The following GALNT18 variants were observed in gnomAD, a reference collection of about 807,000 sequenced individuals.
The protein encoded by GALNT18 is GalNAc-transferase 18.
GALNT18 carries 44 observed loss-of-function variants against 69.5 expected under a neutral mutation model. The observed-to-expected ratio is 0.63, with a 90% CI of 0.50 to 0.81. The LOEUF (loss-of-function observed/expected upper bound fraction) is 0.81. Among genes scored for constraint, GALNT18 ranks in the 40% least tolerant of loss-of-function variants. GALNT18 has a pLI of 0.00. For synonymous variants in GALNT18, 364 were observed against 318.2 expected, an observed-to-expected ratio of 1.14 and a Z score of -1.53; for missense variants, 715 against 810.0, an observed-to-expected ratio of 0.88 and a Z score of 1.42.
chr11:11,501,519 C>T (rs529792113), intron 1 of GALNT18, among the ~76,000 whole-genome samples: 1 of 152,290 alleles, frequency 6.6e-6, no homozygotes, highest in Admixed American at 6.5e-5. Flanking sequence ...CCTACTCTTT[C>T]GTGAGCAAAC....
At position 11,278,522 on chromosome 11, in the gene GALNT18, G is replaced by A. The variant is rs189313643; in HGVS notation, c.1678-7232C>T. Among the ~76,000 whole-genome samples, 365 of 152,042 alleles carry A rather than the reference G, an allele frequency of 2.4e-3. 3 individuals are homozygous for A. The highest frequency in any genetic ancestry group is 8.4e-3 in the African/African-American group (350 of 41,472). On this transcript the variant is annotated intron_variant, in intron 10 of 10. Transcript: ENST00000227756. ...AGAACTTATAGTATAAAAAAAAAAG[G>A]GAGATTGTTATTTGCAACAACATGG... is the stretch of plus-strand genomic sequence containing the variant.
intron 7 of GALNT18, among the ~76,000 whole-genome samples, chr11:11,333,782 C>T (rs1564898733): frequency 6.6e-6 from 1 of 152,020 alleles, no homozygotes; most frequent in Non-Finnish European, 1.5e-5. Context: ...CTAGAGAAGC[C>T]CCCTTCCTCA....
In GALNT18 at chr11:11,483,270, G is replaced by A. The variant is rs887026652; in HGVS notation, c.236-34334C>T. Among the ~76,000 whole-genome samples, 5 of 152,168 alleles carry A rather than the reference G, an allele frequency of 3.3e-5. No homozygotes were observed. In the South Asian group the frequency reaches 6.2e-4, roughly 19 times the overall value. ...AATTCAGCTCTAGGGCTCCCTTCTG[G>A]GCAGCTTCCCCTGATTCCCCCGGCT... On this transcript the variant is annotated intron_variant, in intron 1 of 10. Coordinates refer to ENST00000227756, the MANE Select transcript of GALNT18 (RefSeq NM_198516.3).
chr11:11,340,874 A>G lies in GALNT18; in HGVS notation c.1223T>C (p.Val408Ala). ...VRRNALRVAE[V>A]WMDEFKSHVY... The stretch of plus-strand genomic sequence containing the variant: ...GTGGCTTTTAAATTCATCCATCCAG[A>G]CTTCAGCCACCCTGAGAGCGTTCCT... The change falls in exon 7 of 11, where the codon GTC becomes GCC. Residue 408 changes from valine (V) to alanine (A), a missense_variant. Coordinates refer to ENST00000227756, the MANE Select transcript of GALNT18 (RefSeq NM_198516.3). This position sits in a 1 kb window ranked among gnomAD's most constrained non-coding sequence, Gnocchi z 4.2. 1 of 1,613,812 alleles carries G rather than the reference A, an allele frequency of 6.2e-7. No homozygotes were observed. The highest frequency in any genetic ancestry group is 8.5e-7 in the Non-Finnish European group (1 of 1,179,914).
Position 11,496,316 on chromosome 11 carries a change from A to G in GALNT18, c.236-47380T>C, listed in dbSNP as rs1210774544. On this transcript the variant is annotated intron_variant, in intron 1 of 10. Transcript: ENST00000227756. The surrounding 1 kb of genome is among the most constrained non-coding windows in gnomAD (Gnocchi z 4.0). ...TGGTTCACCTATCACCAAAAACCCT[A>G]GCATCAGCAACACTCCACATGCTGC... Among the ~76,000 whole-genome samples the G allele has an allele frequency of 2.6e-5, 4 of 152,158 alleles. No individual in the cohort carries two copies. Among genetic ancestry groups the G allele is most frequent in the Non-Finnish European group, 4.4e-5 (3 of 68,010 alleles).
intron 10 of GALNT18, among the ~76,000 whole-genome samples, chr11:11,287,579 A>AT (rs1451872033): frequency 6.6e-6 from 1 of 152,182 alleles, no homozygotes; most frequent in Admixed American, 6.5e-5. Context: ...GAATCCCAGA[A>AT]TCCCCCAAAT....
intron 1 of GALNT18, among the ~76,000 whole-genome samples, chr11:11,481,421 G>A (rs1856527656): frequency 6.6e-6 from 1 of 152,216 alleles, no homozygotes; most frequent in Admixed American, 6.5e-5. Context: ...GACAAGAAGG[G>A]AAGGCAGCGA....
Position 11,375,324 on chromosome 11 carries a change from G to A in GALNT18, c.977+1858C>T, listed in dbSNP as rs562598567. Among the ~76,000 whole-genome samples, 14 of 152,334 alleles carry A rather than the reference G, an allele frequency of 9.2e-5. 1 individual carries two copies. The South Asian group carries it at 2.9e-3, about 32-fold the overall frequency. On this transcript the variant is annotated intron_variant, in intron 5 of 10. Transcript: ENST00000227756. ...CAACCAAGTTTTTGATAAAAATTGG[G>A]TGATAGAAAATTTGAGGTTGAGATG...
At chr11:11,431,534 G>C (rs947044231) in intron 3 of GALNT18, among the ~76,000 whole-genome samples, 4 of 152,268 alleles carry the variant, frequency 2.6e-5, no homozygotes, top group East Asian at 3.9e-4. Context: ...AAAGTCAAAT[G>C]ATTCTCCAGC....
chr11:11,386,581 T>C (rs1010378286), intron 3 of GALNT18, among the ~76,000 whole-genome samples: 1 of 152,220 alleles, frequency 6.6e-6, no homozygotes, highest in Non-Finnish European at 1.5e-5. Flanking sequence ...ATTGACCCTA[T>C]TTCTCTCTTC....
rs756856783 is a variant in GALNT18 at position 11,555,509 on chromosome 11, C to T, written c.235+65850G>A. ...GTGACAAAGCTCTCCTGGGCCCTGGCTACTGACTTTAACCTGGCTTTGAAT... is the reference window on the plus strand; with the variant it reads ...GTGACAAAGCTCTCCTGGGCCCTGGTTACTGACTTTAACCTGGCTTTGAAT... On this transcript the variant is annotated intron_variant, in intron 1 of 10. Transcript: ENST00000227756. The surrounding 1 kb of genome is among the most constrained non-coding windows in gnomAD (Gnocchi z 4.7). 1.3e-5 allele frequency among the ~76,000 whole-genome samples: 2 copies of T among 152,172 alleles called. No homozygotes were observed. The highest frequency in any genetic ancestry group is 2.9e-5 in the Non-Finnish European group (2 of 68,028).
In GALNT18 at chr11:11,382,964, G is replaced by C. The variant is rs1436950514; in HGVS notation, c.596-3700C>G. ...CAGCTGTCGATAGCCCATGTTGACA[G>C]AGAAATACAATTTGCACCCTGCATG... On this transcript the variant is annotated intron_variant, in intron 3 of 10. Coordinates refer to ENST00000227756, the MANE Select transcript of GALNT18 (RefSeq NM_198516.3). The surrounding 1 kb of genome is among the most constrained non-coding windows in gnomAD (Gnocchi z 4.3). Among the ~76,000 whole-genome samples the C allele has an allele frequency of 1.3e-5, 2 of 152,180 alleles. No homozygotes were observed. Among genetic ancestry groups the C allele is most frequent in the Admixed American group, 6.5e-5 (1 of 15,282 alleles).
chr11:11,533,424 C>T (rs1355079405), intron 1 of GALNT18, among the ~76,000 whole-genome samples: 2 of 152,174 alleles, frequency 1.3e-5, no homozygotes, highest in Admixed American at 6.5e-5. Flanking sequence ...CTGATGCTAA[C>T]GCCCTCCAAG....
chr11:11,427,615 A>G (rs1057113531), intron 3 of GALNT18, among the ~76,000 whole-genome samples: 1 of 152,198 alleles, frequency 6.6e-6, no homozygotes, highest in East Asian at 1.9e-4. Flanking sequence ...AGATAAGGAA[A>G]ATAGGGTTCG....
rs184299968 is a variant in GALNT18, at chr11:11,368,165, G to A, written c.1092+4350C>T. Among the ~76,000 whole-genome samples, 679 of 152,318 alleles carry A rather than the reference G, an allele frequency of 4.5e-3. 3 individuals are homozygous for A. The highest frequency in any genetic ancestry group is 0.015 in the African/African-American group (633 of 41,562). Reference sequence around the variant, plus strand: ...TCTTCTGGGTCCCATTGTTACAGTTGAAAAGTCAGCTGTTATTCTAATTAT... The same window carrying A: ...TCTTCTGGGTCCCATTGTTACAGTTAAAAAGTCAGCTGTTATTCTAATTAT... On this transcript the variant is annotated intron_variant, in intron 6 of 10. Coordinates refer to ENST00000227756, the MANE Select transcript of GALNT18 (RefSeq NM_198516.3).
chr11:11,375,871 T>C (rs138617262), intron 5 of GALNT18, among the ~76,000 whole-genome samples: 1 of 152,326 alleles, frequency 6.6e-6, no homozygotes, highest in East Asian at 1.9e-4. Context: ...TGAGTATACA[T>C]TTTTTCTTCT....
intron 10 of GALNT18, among the ~76,000 whole-genome samples, chr11:11,289,220 G>C (rs1232527705): frequency 6.6e-6 from 1 of 151,784 alleles, no homozygotes; most frequent in African/African-American, 2.4e-5. Context: ...CGATCATTTT[G>C]CAGTAAGCAA....
In GALNT18 at chr11:11,540,208, TAGTC is replaced by T. The variant is rs1351296497; in HGVS notation, c.235+81147_235+81150del. ...CAAGTCAACATTTTCAAAACAGAGA[TAGTC>T]AGTTCTGTCTCCTTAGCAAGCTATC... On this transcript the variant is annotated intron_variant, in intron 1 of 10. Coordinates refer to ENST00000227756, the MANE Select transcript of GALNT18 (RefSeq NM_198516.3). The surrounding 1 kb of genome is among the most constrained non-coding windows in gnomAD (Gnocchi z 4.6). Among the ~76,000 whole-genome samples the T allele has an allele frequency of 2.6e-5, 4 of 152,236 alleles. No individual in the cohort carries two copies. Among genetic ancestry groups the T allele is most frequent in the African/African-American group, 4.8e-5 (2 of 41,470 alleles).
chr11:11,619,820 G>T lies in GALNT18; in HGVS notation c.235+1539C>A, dbSNP rs1860142914. ...CTGGCACCCACAGATAGGTAAATTG[G>T]TTTTCAAGCCCAGTGCCAGGTTGAG... is the stretch of plus-strand genomic sequence containing the variant. On this transcript the variant is annotated intron_variant, in intron 1 of 10. Coordinates refer to ENST00000227756, the MANE Select transcript of GALNT18 (RefSeq NM_198516.3). The surrounding 1 kb of genome is among the most constrained non-coding windows in gnomAD (Gnocchi z 4.9). 6.6e-6 allele frequency among the ~76,000 whole-genome samples: 1 copy of T among 152,212 alleles called. No homozygotes were observed. Among genetic ancestry groups the T allele is most frequent in the African/African-American group, 2.4e-5 (1 of 41,450 alleles).
Sources: gnomAD v4.1 joint callset for allele counts (sites outside exome capture counted in the v4.1 genomes callset) on GRCh38, gnomAD v4.1.1 for gene constraint, Gnocchi (gnomAD v3.1) non-coding constraint, MANE v1.5 for transcripts, NCBI Gene and HGNC (gene_info 2026-07-23, HGNC 2026-07-21) for gene names.